The following IGF1R variants were observed in gnomAD, a reference collection of about 807,000 sequenced individuals.
The protein encoded by IGF1R is insulin-like growth factor 1 receptor.
A neutral mutation model predicts 144.6 loss-of-function variants in IGF1R; 44 were observed. The observed-to-expected ratio is 0.30, with a 90% CI of 0.24 to 0.39. The LOEUF is 0.39. IGF1R is among the 10% of genes least tolerant of loss of function. IGF1R has a pLI of 1.00. For missense variants in IGF1R, 1,355 were observed against 1,833.7 expected (o/e 0.74, Z 4.77); for synonymous variants, 795 against 722.8 (o/e 1.10, Z -1.60).
intron 2 of IGF1R, among the ~76,000 whole-genome samples, chr15:98,810,884 C>T (rs2056575432): frequency 6.6e-6 from 1 of 151,962 alleles, no homozygotes; most frequent in South Asian, 2.1e-4. Context: ...CAGGAGTTGG[C>T]AAACTACAGC....
chr15:98,719,886 A>C (rs912025814), intron 2 of IGF1R, among the ~76,000 whole-genome samples: 2 of 152,232 alleles, frequency 1.3e-5, no homozygotes, highest in African/African-American at 4.8e-5. Context: ...TAATTCTTGG[A>C]AATACTCAGT....
chr15:98,844,765 G>T lies in IGF1R; in HGVS notation c.641-46560G>T, dbSNP rs554313992. Among the ~76,000 whole-genome samples, 16 of 152,226 alleles carry T rather than the reference G, an allele frequency of 1.1e-4. No individual in the cohort carries two copies. The South Asian group carries it at 2.9e-3, about 28-fold the overall frequency. ...ATAGATTTAGATCTGTTAATTGCAA[G>T]AAATCTTTTTTTAAGTGAATCAATG... is the stretch of plus-strand genomic sequence containing the variant. On this transcript the variant is annotated intron_variant, in intron 2 of 20. Coordinates refer to ENST00000650285, the MANE Select transcript of IGF1R (RefSeq NM_000875.5).
chr15:98,937,563 C>A (rs890097174), intron 17 of IGF1R, among the ~76,000 whole-genome samples: 1 of 152,192 alleles, frequency 6.6e-6, no homozygotes. Flanking sequence ...TGTGCACTTA[C>A]CCTGCAGTTT....
At chr15:98,911,041 G>C (rs999717579) in intron 6 of IGF1R, among the ~76,000 whole-genome samples, 4 of 152,188 alleles carry the variant, frequency 2.6e-5, no homozygotes, top group Non-Finnish European at 5.9e-5. Context: ...GTCGCCCCTT[G>C]TTTTCAGGTT....
At position 98,707,451 on chromosome 15, in the gene IGF1R, T is replaced by C. The variant is rs2053892589; in HGVS notation, c.95-111T>C. On this transcript the variant is annotated intron_variant, in intron 1 of 20. Coordinates refer to ENST00000650285, the MANE Select transcript of IGF1R (RefSeq NM_000875.5). The surrounding 1 kb of genome is among the most constrained non-coding windows in gnomAD (Gnocchi z 6.7). ...TCTGCAGTGAACAATTGAACCTCAT[T>C]TCTTTAATAATAATACAGGATTCCT... 1 of 1,135,398 alleles carries C rather than the reference T, an allele frequency of 8.8e-7. No individual in the cohort carries two copies. Among genetic ancestry groups the C allele is most frequent in the Admixed American group, 2.0e-5 (1 of 50,290 alleles). The allele number at this position is 1,135,398 out of a possible 1,614,324, so 70.3% of individuals were successfully genotyped here.
chr15:98,739,889 G>A (rs2054699115), intron 2 of IGF1R, among the ~76,000 whole-genome samples: 1 of 152,186 alleles, frequency 6.6e-6, no homozygotes, highest in African/African-American at 2.4e-5. Flanking sequence ...ACCGCGCCTG[G>A]CCTGCTGTAA....
At chr15:98,836,325 T>C (rs2057100588) in intron 2 of IGF1R, among the ~76,000 whole-genome samples, 1 of 151,934 alleles carries the variant, frequency 6.6e-6, no homozygotes, top group African/African-American at 2.4e-5. Flanking sequence ...AGCCAGGAGT[T>C]TGAGACCAAG....
At chr15:98,652,115 GTGT>G (rs1347603741) in intron 1 of IGF1R, among the ~76,000 whole-genome samples, 6 of 152,224 alleles carry the variant, frequency 3.9e-5, no homozygotes, top group Non-Finnish European at 8.8e-5. Context: ...AGTAGAAAGA[GTGT>G]TGTTTATCTT....
chr15:98,800,663 A>G (rs906352169), intron 2 of IGF1R, among the ~76,000 whole-genome samples: 6 of 152,000 alleles, frequency 3.9e-5, no homozygotes, highest in African/African-American at 1.2e-4. Context: ...AGACCAGGAG[A>G]CTGCAGCAAA....
chr15:98,813,186 C>A (rs1290069577), intron 2 of IGF1R, among the ~76,000 whole-genome samples: 3 of 152,112 alleles, frequency 2.0e-5, no homozygotes, highest in Non-Finnish European at 2.9e-5. Context: ...CCTGAAGAGA[C>A]CAGCCCCCCT....
chr15:98,762,663 G>C (rs938538279), intron 2 of IGF1R, among the ~76,000 whole-genome samples: 1 of 150,660 alleles, frequency 6.6e-6, no homozygotes, highest in Non-Finnish European at 1.5e-5. Flanking sequence ...GGGAGGTGGA[G>C]GTTGCAGTGA....
chr15:98,774,547 G>A (rs778533359), intron 2 of IGF1R, among the ~76,000 whole-genome samples: 1 of 152,190 alleles, frequency 6.6e-6, no homozygotes, highest in Admixed American at 6.5e-5. Context: ...ACATGCAACA[G>A]CGTGAATGAA....
chr15:98,656,082 T>TA (rs1433921054), intron 1 of IGF1R, among the ~76,000 whole-genome samples: 2 of 152,226 alleles, frequency 1.3e-5, no homozygotes, highest in Admixed American at 1.3e-4. Flanking sequence ...GATGAACACC[T>TA]ACGATTGCAA....
intron 2 of IGF1R, among the ~76,000 whole-genome samples, chr15:98,836,644 A>G (rs1008626949): frequency 6.6e-6 from 1 of 152,130 alleles, no homozygotes; most frequent in Non-Finnish European, 1.5e-5. Flanking sequence ...ACTGTTAACC[A>G]TGGACTATTT....
intron 1 of IGF1R, among the ~76,000 whole-genome samples, chr15:98,654,199 C>T (rs146031251): frequency 5.3e-5 from 8 of 152,164 alleles, no homozygotes; most frequent in African/African-American, 1.4e-4. Context: ...TGGTGCTTTC[C>T]GTTATATTGG....
At chr15:98,666,798 T>A (rs543845719) in intron 1 of IGF1R, among the ~76,000 whole-genome samples, 7 of 152,140 alleles carry the variant, frequency 4.6e-5, no homozygotes, top group Non-Finnish European at 8.8e-5. Flanking sequence ...TTTGGGAACA[T>A]GTAAAAGTTC....
intron 2 of IGF1R, among the ~76,000 whole-genome samples, chr15:98,760,786 A>G (rs1249808414): frequency 6.6e-6 from 1 of 152,186 alleles, no homozygotes; most frequent in African/African-American, 2.4e-5. Context: ...GTCACTGTCC[A>G]ATTTGGAGAG....
intron 20 of IGF1R, among the ~76,000 whole-genome samples, chr15:98,956,835 C>T (rs12440962): frequency 0.19 from 28,725 of 152,084 alleles, 3,028 homozygotes; most frequent in Non-Finnish European, 0.24. Context: ...CGTGGTGGTT[C>T]TGGGTTCTGG....
rs921592548 is a variant in IGF1R at position 98,961,237 on chromosome 15, G to A, written c.*3795G>A. 6 of 233,414 alleles carry A rather than the reference G, an allele frequency of 2.6e-5. No homozygotes were observed. Among genetic ancestry groups the A allele is most frequent in the African/African-American group, 8.8e-5 (4 of 45,318 alleles). 14.5% of individuals were successfully genotyped at this position (233,414 alleles called of 1,614,324 possible). On this transcript the variant is annotated 3_prime_UTR_variant, in exon 21 of 21. Coordinates refer to ENST00000650285, the MANE Select transcript of IGF1R (RefSeq NM_000875.5). The stretch of plus-strand genomic sequence containing the variant: ...CTCTCCTCTCGTGCACATACCTACC[G>A]GTTTCCACAACTGGATTTCTACAGA...
Sources: gnomAD v4.1 joint callset for allele counts (sites outside exome capture counted in the v4.1 genomes callset) on GRCh38, gnomAD v4.1.1 for gene constraint, Gnocchi (gnomAD v3.1) non-coding constraint, MANE v1.5 for transcripts, NCBI Gene and HGNC (gene_info 2026-07-23, HGNC 2026-07-21) for gene names.